Variants in USP13 observed in about 807,000 individuals in gnomAD.
USP13 encodes the protein ubiquitin carboxyl-terminal hydrolase 13.
In USP13, 68 loss-of-function variants were observed where a neutral mutation model predicts 107.8. The ratio of observed to expected loss-of-function variants is 0.63; its 90% CI spans 0.52 to 0.77. The LOEUF is 0.77. USP13 is among the 30% of genes least tolerant of loss of function. The pLI is 0.00. For synonymous variants in USP13, 377 were observed against 389.5 expected (o/e 0.97, Z 0.38); for missense variants, 945 against 1,093.3 (o/e 0.86, Z 1.91).
chr3:179,780,473 C>T (rs775198819), intron 19 of USP13, among the ~76,000 whole-genome samples: 3 of 152,046 alleles, frequency 2.0e-5, no homozygotes, highest in Non-Finnish European at 4.4e-5. Context: ...AAAACAATAT[C>T]ATTTACTGCC....
Position 179,653,442 on chromosome 3 carries a change from A to C in USP13, c.168+49A>C. ...GGTCGCGGGGCCGGCGGCCTGCGGC[A>C]CGTGAAGCCGGGGGAGAAGATGCGC... On this transcript the variant is annotated intron_variant, in intron 1 of 20. Transcript: ENST00000263966. The surrounding 1 kb of genome is among the most constrained non-coding windows in gnomAD (Gnocchi z 4.0). 6.5e-7 allele frequency: 1 copy of C among 1,530,786 alleles called. No individual in the cohort carries two copies. The highest frequency in any genetic ancestry group is 8.8e-7 in the Non-Finnish European group (1 of 1,135,094). The allele number at this position is 1,530,786 out of a possible 1,614,324, so 94.8% of individuals were successfully genotyped here. A position where few individuals can be genotyped will look rare whatever the true frequency, so the allele number is the denominator to read the frequency against.
intron 6 of USP13, among the ~76,000 whole-genome samples, chr3:179,716,711 ATCT>A (rs1713125370): frequency 6.6e-6 from 1 of 152,216 alleles, no homozygotes; most frequent in Non-Finnish European, 1.5e-5. Context: ...AAAAAAAGAC[ATCT>A]TCTCATTCAG....
At chr3:179,772,084 T>C (rs1220099250) in intron 19 of USP13, among the ~76,000 whole-genome samples, 1 of 152,242 alleles carries the variant, frequency 6.6e-6, no homozygotes, top group Non-Finnish European at 1.5e-5. Flanking sequence ...TTGAAGGCTG[T>C]GCAGTTTTTC....
intron 10 of USP13, among the ~76,000 whole-genome samples, chr3:179,738,050 A>G (rs892776984): frequency 1.7e-4 from 26 of 152,186 alleles, no homozygotes; most frequent in African/African-American, 6.0e-4. Context: ...GCTGTTGCAT[A>G]TGACTGTGAT....
At chr3:179,740,868 G>A (rs1164941074) in intron 11 of USP13, among the ~76,000 whole-genome samples, 1 of 151,616 alleles carries the variant, frequency 6.6e-6, no homozygotes, top group Non-Finnish European at 1.5e-5. Context: ...CTGGGTTCAA[G>A]CAATTCTACT....
At chr3:179,671,936 A>G (rs1167757349) in intron 1 of USP13, among the ~76,000 whole-genome samples, 1 of 152,106 alleles carries the variant, frequency 6.6e-6, no homozygotes, top group Non-Finnish European at 1.5e-5. Flanking sequence ...CTTGTTTTCC[A>G]CAGGAGACAC....
At chr3:179,668,682 A>G (rs951186031) in intron 1 of USP13, among the ~76,000 whole-genome samples, 4 of 152,052 alleles carry the variant, frequency 2.6e-5, no homozygotes, top group Non-Finnish European at 4.4e-5. Context: ...TTGGCCTCCC[A>G]AAGTGCTGAG....
At position 179,789,302 on chromosome 3, in the gene USP13, A is replaced by G. The variant is rs1237667611; in HGVS notation, c.*5161A>G. 1.3e-5 allele frequency: 2 copies of G among 152,220 alleles called. No homozygotes were observed. The highest frequency in any genetic ancestry group is 4.8e-5 in the African/African-American group (2 of 41,460). The allele number at this position is 152,220 out of a possible 1,614,324, so 9.4% of individuals were successfully genotyped here. ...TTTTGCACTAGTCACAGTTGTTGTT[A>G]AACTGTATCAAATGTTTTGGGAGAT... is the stretch of plus-strand genomic sequence containing the variant. On this transcript the variant is annotated 3_prime_UTR_variant, in exon 21 of 21. Transcript: ENST00000263966.
At chr3:179,682,282 A>T (rs1711689275) in intron 2 of USP13, among the ~76,000 whole-genome samples, 1 of 150,810 alleles carries the variant, frequency 6.6e-6, no homozygotes, top group Non-Finnish European at 1.5e-5. Context: ...AAAAATACAG[A>T]AAAGTACAGA....
intron 15 of USP13, among the ~76,000 whole-genome samples, 191 bp from the exon 16 acceptor site, chr3:179,756,861 G>A (rs914578488): frequency 1.3e-5 from 2 of 152,038 alleles, no homozygotes; most frequent in Non-Finnish European, 2.9e-5. Context: ...TAACCTAAAC[G>A]CCTGAAAGCT....
At position 179,786,250 on chromosome 3, in the gene USP13, G is replaced by A. The variant is rs753349667; in HGVS notation, c.*2109G>A. ...CATAGAATAATGACTCCAAACCCAC[G>A]TCAAAAATGGCTTGTTTTCAGCGAT... On this transcript the variant is annotated 3_prime_UTR_variant, in exon 21 of 21. Coordinates refer to ENST00000263966, the MANE Select transcript of USP13 (RefSeq NM_003940.3). 8 of 152,114 alleles carry A rather than the reference G, an allele frequency of 5.3e-5. No homozygotes were observed. Among genetic ancestry groups the A allele is most frequent in the Non-Finnish European group, 7.4e-5 (5 of 68,024 alleles). The allele number at this position is 152,114 out of a possible 1,614,324, so 9.4% of individuals were successfully genotyped here. A position where few individuals can be genotyped will look rare whatever the true frequency, so the allele number is the denominator to read the frequency against.
At chr3:179,745,960 C>G (rs115082668) in intron 13 of USP13, among the ~76,000 whole-genome samples, 2 of 152,214 alleles carry the variant, frequency 1.3e-5, no homozygotes, top group Non-Finnish European at 2.9e-5. Context: ...TGCCAACACA[C>G]TTCATATCAC....
intron 1 of USP13, among the ~76,000 whole-genome samples, chr3:179,663,634 T>C (rs748324590): frequency 7.2e-5 from 11 of 152,358 alleles, no homozygotes; most frequent in Non-Finnish European, 1.2e-4. Flanking sequence ...ATTTTTAAAA[T>C]AGGGGTCTGA....
At chr3:179,690,658 C>T (rs1204695799) in intron 3 of USP13, among the ~76,000 whole-genome samples, 1 of 152,132 alleles carries the variant, frequency 6.6e-6, no homozygotes, top group African/African-American at 2.4e-5. Flanking sequence ...CTACAACCTG[C>T]GCCTCCCGGG....
chr3:179,767,915 T>C (rs1715229395), intron 19 of USP13, among the ~76,000 whole-genome samples: 1 of 152,232 alleles, frequency 6.6e-6, no homozygotes, highest in African/African-American at 2.4e-5. Flanking sequence ...TTCTTCTTTT[T>C]TTTAATATAA....
intron 8 of USP13, among the ~76,000 whole-genome samples, chr3:179,722,170 A>T (rs1713348596): frequency 6.6e-6 from 1 of 152,118 alleles, no homozygotes; most frequent in Non-Finnish European, 1.5e-5. Flanking sequence ...TACCAAGAAT[A>T]TATTAATCAT....
chr3:179,724,286 C>T (rs545577156), intron 8 of USP13, among the ~76,000 whole-genome samples: 8 of 150,826 alleles, frequency 5.3e-5, no homozygotes, highest in African/African-American at 1.2e-4. Flanking sequence ...GGTGAAACCC[C>T]GTCTGTACTA....
chr3:179,725,104 C>A (rs1235322002), intron 8 of USP13, among the ~76,000 whole-genome samples: 1 of 152,042 alleles, frequency 6.6e-6, no homozygotes, highest in Non-Finnish European at 1.5e-5. Context: ...ACCAGATACT[C>A]GGGAGGCTGA....
At chr3:179,694,943 C>T (rs909339915) in intron 3 of USP13, among the ~76,000 whole-genome samples, 17 of 152,286 alleles carry the variant, frequency 1.1e-4, no homozygotes, top group Admixed American at 7.2e-4. Flanking sequence ...TCTGGCAGAA[C>T]TTGGTCACGT....
Sources: allele counts gnomAD v4.1 joint callset (sites outside exome capture counted in the v4.1 genomes callset), GRCh38; gene constraint gnomAD v4.1.1; non-coding constraint Gnocchi (gnomAD v3.1); transcripts MANE v1.5; gene names NCBI Gene and HGNC (gene_info 2026-07-23, HGNC 2026-07-21).